Variants in TOM1 observed in about 807,000 individuals in gnomAD.
TOM1 encodes target of Myb protein 1.
A neutral mutation model predicts 61.3 loss-of-function variants in TOM1; 38 were observed. The observed-to-expected ratio is 0.62, with a 90% confidence interval of 0.48 to 0.81. TOM1 has a LOEUF of 0.81. Among genes scored for constraint, TOM1 ranks in the 40% least tolerant of loss-of-function variants. TOM1 has a pLI of 0.00. For synonymous variants in TOM1, 270 were observed against 268.8 expected, an observed-to-expected ratio of 1.00 and a Z score of -0.04; for missense variants, 591 against 659.6, an observed-to-expected ratio of 0.90 and a Z score of 1.14.
chr22:35,316,741 T>C (rs965039927), intron 1 of TOM1, among the ~76,000 whole-genome samples: 2 of 152,254 alleles, frequency 1.3e-5, no homozygotes, highest in Non-Finnish European at 2.9e-5. Flanking sequence ...CACTGAATTA[T>C]ACATGGTAAA....
intron 1 of TOM1, among the ~76,000 whole-genome samples, chr22:35,312,458 A>G (rs1301819118): frequency 6.6e-6 from 1 of 152,188 alleles, no homozygotes; most frequent in Non-Finnish European, 1.5e-5. Flanking sequence ...TAGCCTGGAC[A>G]GGTGTTGAGA....
chr22:35,321,756 G>C (rs1927808510), intron 2 of TOM1: 1 of 699,824 alleles, frequency 1.4e-6, no homozygotes, highest in South Asian at 1.5e-5. Context: ...TCTGCTGCTG[G>C]AGGTCCAGGG....
At position 35,321,000 on chromosome 22, in the gene TOM1, A is replaced by AAAAAAAAAAAAAAG. The variant is rs1181162681; in HGVS notation, c.138-958_138-957insAAAAAAAAAAAAGA. 7.2e-4 allele frequency among the ~76,000 whole-genome samples: 109 copies of AAAAAAAAAAAAAAG among 150,580 alleles called. 4 individuals are homozygous for AAAAAAAAAAAAAAG. In the East Asian group the frequency reaches 0.02, roughly 27 times the overall value. On this transcript the variant is annotated intron_variant, in intron 2 of 14. Transcript: ENST00000449058. ...CTGTCTCAGAAGGAAAAAAAAAAAAAACTTGAATGGAAGGGTAAATGGACA... is the reference window on the plus strand; with the variant it reads ...CTGTCTCAGAAGGAAAAAAAAAAAAAAAAAAAAAAAAAAGACTTGAATGGAAGGGTAAATGGACA...
chr22:35,323,779 C>T lies in TOM1; in HGVS notation c.513C>T (p.Asn171=). 1 of 1,609,236 alleles carries T rather than the reference C, an allele frequency of 6.2e-7. No homozygotes were observed. The highest frequency in any genetic ancestry group is 8.5e-7 in the Non-Finnish European group (1 of 1,177,120). ...PIHTPQRTVF[N]SETQSGQDSV... is the part of the protein sequence containing the mutation. ...TTTCCTCCCACTAGACCGTGTTCAA[C>T]TCAGAGACACAATCAGGACAGGATT... Residue 171 remains asparagine, a synonymous_variant, in exon 6 of 15, where the codon AAC becomes AAT. Transcript: ENST00000449058. This position sits in a 1 kb window ranked among gnomAD's most constrained non-coding sequence, Gnocchi z 4.2.
At chr22:35,338,814 C>G in intron 12 of TOM1, 26 bp downstream of exon 12, 1 of 1,547,138 alleles carries the variant, frequency 6.5e-7, no homozygotes, top group Non-Finnish European at 8.7e-7. Context: ...ATCCTGCCAC[C>G]CTGGGGCCCT....
chr22:35,300,133 A>T (rs375817161), intron 1 of TOM1, among the ~76,000 whole-genome samples, 153 bp downstream of exon 1: 4 of 152,052 alleles, frequency 2.6e-5, no homozygotes, highest in African/African-American at 9.7e-5. Context: ...CTTTCCTCCC[A>T]CTCTTGATTG....
At position 35,327,017 on chromosome 22, in the gene TOM1, C is replaced by T. The variant is rs368153015; in HGVS notation, c.649-254C>T. On this transcript the variant is annotated intron_variant, in intron 6 of 14. Transcript: ENST00000449058. ...GAGATGCTGGAGTCTTCCAGCCACA[C>T]GTGGTGGCTCATTCCGGTGTGGAGA... Among the ~76,000 whole-genome samples, 9 of 152,316 alleles carry T rather than the reference C, an allele frequency of 5.9e-5. No individual in the cohort carries two copies. In the East Asian group the frequency reaches 1.5e-3, roughly 26 times the overall value.
At chr22:35,313,726 G>A (rs1167950327) in intron 1 of TOM1, among the ~76,000 whole-genome samples, 1 of 152,206 alleles carries the variant, frequency 6.6e-6, no homozygotes, top group Non-Finnish European at 1.5e-5. Flanking sequence ...CAGGGAGGTG[G>A]TATCTGCACC....
intron 1 of TOM1, among the ~76,000 whole-genome samples, chr22:35,317,133 A>G (rs1927363586): frequency 6.6e-6 from 1 of 152,190 alleles, no homozygotes; most frequent in Non-Finnish European, 1.5e-5. Context: ...ACCACTTGAG[A>G]ACTTTTACAT....
chr22:35,299,858 G>T (rs773103141), upstream of TOM1: 7 of 1,527,314 alleles, frequency 4.6e-6, no homozygotes, highest in Admixed American at 5.9e-5. Context: ...AGTGCGTCAC[G>T]TGACGGGTCG....
chr22:35,338,883 C>G (rs923505776), intron 12 of TOM1, 95 bp downstream of exon 12: 4 of 1,163,974 alleles, frequency 3.4e-6, no homozygotes, highest in Non-Finnish European at 4.7e-6. Flanking sequence ...AAGCACTGGC[C>G]CAGCACGTCC....
intron 1 of TOM1, among the ~76,000 whole-genome samples, chr22:35,303,946 G>T (rs1335974409): frequency 6.6e-6 from 1 of 152,166 alleles, no homozygotes; most frequent in Non-Finnish European, 1.5e-5. Context: ...CTAGCACGGT[G>T]CCTGGCACAT....
intron 2 of TOM1, 46 bp downstream of exon 2, chr22:35,318,007 A>C: frequency 6.8e-7 from 1 of 1,473,518 alleles, no homozygotes; most frequent in Admixed American, 1.7e-5. Flanking sequence ...CGGCCATCCC[A>C]CCACGCAGCA....
At chr22:35,346,378 C>T (rs1294287182) in intron 13 of TOM1, among the ~76,000 whole-genome samples, 1 of 152,270 alleles carries the variant, frequency 6.6e-6, no homozygotes. Flanking sequence ...GGCCCAGAAG[C>T]CGCCTTCTGC....
At chr22:35,334,253 GCAGCAGGTAGCT>G (rs1473687097) in intron 10 of TOM1, 63 bp from the exon 11 acceptor site, 1 of 1,546,330 alleles carries the variant, frequency 6.5e-7, no homozygotes, top group Non-Finnish European at 8.7e-7. Context: ...CCTGGGTCTG[GCAGCAGGTAGCT>G]CAGCAGCAGC....
intron 1 of TOM1, among the ~76,000 whole-genome samples, chr22:35,304,429 C>G (rs542531709): frequency 8.4e-4 from 128 of 152,314 alleles, no homozygotes; most frequent in African/African-American, 2.5e-3. Flanking sequence ...GATTTCAAAC[C>G]CTTTCCAGAT....
intron 11 of TOM1, among the ~76,000 whole-genome samples, chr22:35,334,688 C>G (rs112459699): frequency 2.6e-5 from 4 of 152,276 alleles, no homozygotes; most frequent in Non-Finnish European, 5.9e-5. Flanking sequence ...CACTGTATGC[C>G]AGAATCTTAC....
chr22:35,347,349 GC>G lies in TOM1; in HGVS notation c.*144del. 3.3e-6 allele frequency: 3 copies of G among 897,940 alleles called. No individual in the cohort carries two copies. The South Asian group carries it at 6.0e-5, about 18-fold the overall frequency. 55.6% of individuals were successfully genotyped at this position (897,940 alleles called of 1,614,324 possible). A position where few individuals can be genotyped will look rare whatever the true frequency, so the allele number is the denominator to read the frequency against. ...TTTCCTCCTCTTTGAAGACGGAGCT[GC>G]CCCAGCTGTGGCTGGGGGTGTGGAG... On this transcript the variant is annotated 3_prime_UTR_variant, in exon 15 of 15. Coordinates refer to ENST00000449058, the MANE Select transcript of TOM1 (RefSeq NM_005488.3).
chr22:35,311,869 G>A lies in TOM1; in HGVS notation c.53-6008G>A, dbSNP rs115068977. Among the ~76,000 whole-genome samples the A allele has an allele frequency of 1.0e-3, 152 of 152,302 alleles. 1 individual carries two copies. Among genetic ancestry groups the A allele is most frequent in the African/African-American group, 3.5e-3 (147 of 41,564 alleles). The stretch of plus-strand genomic sequence containing the variant: ...GATGGCTGTCATTGTTCTCCATGAT[G>A]TTGTTATTGTCATGGTGCAGGATGA... On this transcript the variant is annotated intron_variant, in intron 1 of 14. Transcript: ENST00000449058.
Sources: gnomAD v4.1 joint callset for allele counts (sites outside exome capture counted in the v4.1 genomes callset) on GRCh38, gnomAD v4.1.1 for gene constraint, Gnocchi (gnomAD v3.1) non-coding constraint, MANE v1.5 for transcripts, NCBI Gene and HGNC (gene_info 2026-07-23, HGNC 2026-07-21) for gene names.